UGT1A7: variants seen among roughly 807,000 people sequenced by gnomAD.
UGT1A7 encodes UDP glucuronosyltransferase family 1 member A7.
A neutral mutation model predicts 45.6 loss-of-function variants in UGT1A7; 33 were observed. The ratio of observed to expected loss-of-function variants is 0.72; its 90% CI spans 0.55 to 0.97. The LOEUF (loss-of-function observed/expected upper bound fraction) is 0.97, where lower values mean the gene tolerates loss of function less well. Among genes scored for constraint, UGT1A7 ranks in the 50% least tolerant of loss-of-function variants. The pLI, the probability that UGT1A7 is intolerant of heterozygous loss-of-function variation, is 0.00. For synonymous variants in UGT1A7, 274 were observed against 250.6 expected, an observed-to-expected ratio of 1.09 and a Z score of -0.88; for missense variants, 684 against 666.2, an observed-to-expected ratio of 1.03 and a Z score of -0.29.
intron 1 of UGT1A7, among the ~76,000 whole-genome samples, chr2:233,707,025 GC>G (rs141517421): frequency 6.6e-6 from 1 of 152,288 alleles, no homozygotes; most frequent in East Asian, 1.9e-4. Flanking sequence ...TGGTCAGCCA[GC>G]CCCCAAGGTA....
At chr2:233,747,235 C>G in intron 1 of UGT1A7, 2 of 1,604,608 alleles carry the variant, frequency 1.2e-6, no homozygotes. Flanking sequence ...ACCCCAGGTT[C>G]CCCTGCTGTG....
intron 1 of UGT1A7, among the ~76,000 whole-genome samples, chr2:233,695,188 C>T (rs1163062852): frequency 5.5e-5 from 8 of 145,440 alleles, no homozygotes; most frequent in Non-Finnish European, 8.9e-5. Context: ...TGCAGTGGTG[C>T]GATCTCAGCC....
intron 1 of UGT1A7, chr2:233,738,901 C>A (rs1400656739): frequency 1.3e-5 from 2 of 152,162 alleles, no homozygotes; most frequent in Non-Finnish European, 2.9e-5. Context: ...TGCAGCAGAC[C>A]CTCCCATCAC....
intron 1 of UGT1A7, among the ~76,000 whole-genome samples, chr2:233,724,399 C>T (rs1329746304): frequency 1.5e-4 from 22 of 142,970 alleles, no homozygotes; most frequent in African/African-American, 5.2e-4. Flanking sequence ...CCTCACTTCC[C>T]AGATGGGGTG....
chr2:233,693,864 A>C (rs757830710), intron 1 of UGT1A7: 1 of 1,614,148 alleles, frequency 6.2e-7, no homozygotes, highest in South Asian at 1.1e-5. Flanking sequence ...GACTTGTCTC[A>C]GGTTGGTGGG....
At chr2:233,709,597 G>T (rs4408722) in intron 1 of UGT1A7, among the ~76,000 whole-genome samples, 2,036 of 152,244 alleles carry the variant, frequency 0.013, 51 homozygotes, top group African/African-American at 0.047. Flanking sequence ...GGATGTGAAA[G>T]AAACATTATT....
intron 1 of UGT1A7, among the ~76,000 whole-genome samples, chr2:233,748,293 A>G (rs1052851237): frequency 6.6e-6 from 1 of 151,694 alleles, no homozygotes; most frequent in Non-Finnish European, 1.5e-5. Context: ...GCAGACATGA[A>G]TGTTTATCAA....
intron 4 of UGT1A7, among the ~76,000 whole-genome samples, 167 bp from the exon 5 acceptor site, chr2:233,772,095 A>T (rs35172078): frequency 0.012 from 1,767 of 152,322 alleles, 16 homozygotes; most frequent in Middle Eastern, 0.031. Context: ...CCCGGGCAAC[A>T]GGGCAAGACT....
Position 233,772,833 on chromosome 2 carries a change from T to G in UGT1A7, c.*274T>G. 1.1e-6 allele frequency: 1 copy of G among 879,514 alleles called. No individual in the cohort carries two copies. Among genetic ancestry groups the G allele is most frequent in the Non-Finnish European group, 1.6e-6 (1 of 630,666 alleles). 54.5% of individuals were successfully genotyped at this position (879,514 alleles called of 1,614,324 possible). A position where few individuals can be genotyped will look rare whatever the true frequency, so the allele number is the denominator to read the frequency against. ...AGGACGTGCAGACAGGCTGGCATTCTAGATTACTTTTCTTACTCTGAAACA... is the reference window on the plus strand; with the variant it reads ...AGGACGTGCAGACAGGCTGGCATTCGAGATTACTTTTCTTACTCTGAAACA... On this transcript the variant is annotated 3_prime_UTR_variant, in exon 5 of 5. Transcript: ENST00000373426.
intron 1 of UGT1A7, among the ~76,000 whole-genome samples, chr2:233,749,367 C>G (rs893134182): frequency 6.6e-6 from 1 of 151,762 alleles, no homozygotes; most frequent in Non-Finnish European, 1.5e-5. Flanking sequence ...GACTCTTGCC[C>G]TTTTCTTCCA....
At position 233,769,494 on chromosome 2, in the gene UGT1A7, A is replaced by C. The variant is rs761998450; in HGVS notation, c.1295+1055A>C. On this transcript the variant is annotated intron_variant, in intron 4 of 4. Coordinates refer to ENST00000373426, the MANE Select transcript of UGT1A7 (RefSeq NM_019077.3). The surrounding 1 kb of genome is among the most constrained non-coding windows in gnomAD (Gnocchi z 4.4). Reference sequence around the variant, plus strand: ...GTGTGTGTGTGCGTGTGTTTATGAGAGTGTCCATTGCTTTCTCCCATGGTT... The same window carrying C: ...GTGTGTGTGTGCGTGTGTTTATGAGCGTGTCCATTGCTTTCTCCCATGGTT... 1.9e-6 allele frequency: 3 copies of C among 1,612,660 alleles called. No individual in the cohort carries two copies. Among genetic ancestry groups the C allele is most frequent in the South Asian group, 2.2e-5 (2 of 91,046 alleles).
chr2:233,754,653 C>A, intron 1 of UGT1A7: 1 of 456,442 alleles, frequency 2.2e-6, no homozygotes, highest in Non-Finnish European at 4.4e-6. Flanking sequence ...CTCAATGATT[C>A]TCTTGGTGGT....
At chr2:233,713,253 G>A (rs1357928110) in intron 1 of UGT1A7, 11 of 1,614,108 alleles carry the variant, frequency 6.8e-6, no homozygotes, top group Middle Eastern at 1.6e-4. Context: ...GACCCAGGAC[G>A]AATTTGATCG....
intron 1 of UGT1A7, among the ~76,000 whole-genome samples, chr2:233,711,498 C>T (rs1471685186): frequency 1.3e-5 from 2 of 152,172 alleles, no homozygotes; most frequent in African/African-American, 4.8e-5. Context: ...AGCTGAGAAT[C>T]CCTTTCTAGC....
intron 1 of UGT1A7, among the ~76,000 whole-genome samples, chr2:233,758,732 C>A (rs1469644124): frequency 2.0e-5 from 3 of 152,176 alleles, no homozygotes; most frequent in Non-Finnish European, 4.4e-5. Flanking sequence ...CTAAGCACAT[C>A]CCCAAGTATG....
chr2:233,736,695 G>A (rs1463496904), intron 1 of UGT1A7, among the ~76,000 whole-genome samples: 1 of 152,174 alleles, frequency 6.6e-6, no homozygotes, highest in Admixed American at 6.5e-5. Context: ...CTACAGATGG[G>A]GTTTTGGTGT....
intron 1 of UGT1A7, among the ~76,000 whole-genome samples, chr2:233,741,359 CA>C (rs1323316954): frequency 6.6e-6 from 1 of 151,778 alleles, no homozygotes; most frequent in Non-Finnish European, 1.5e-5. Flanking sequence ...CACAAAACCA[CA>C]ATGAAACTGC....
At chr2:233,701,761 A>G (rs1268136648) in intron 1 of UGT1A7, among the ~76,000 whole-genome samples, 1 of 152,234 alleles carries the variant, frequency 6.6e-6, no homozygotes, top group African/African-American at 2.4e-5. Context: ...ACATAACGAA[A>G]TGAAGGCAGA....
intron 1 of UGT1A7, chr2:233,729,486 G>A: frequency 6.2e-7 from 1 of 1,614,202 alleles, no homozygotes; most frequent in South Asian, 1.1e-5. Flanking sequence ...TGAACAATAT[G>A]TCTTTGGTCT....
Sources: allele counts gnomAD v4.1 joint callset (sites outside exome capture counted in the v4.1 genomes callset), GRCh38; gene constraint gnomAD v4.1.1; non-coding constraint Gnocchi (gnomAD v3.1); transcripts MANE v1.5; gene names NCBI Gene and HGNC (gene_info 2026-07-23, HGNC 2026-07-21).